Variants in AAGAB observed in about 807,000 individuals in gnomAD.
AAGAB encodes the protein alpha and gamma adaptin binding protein.
A neutral mutation model predicts 44.1 loss-of-function variants in AAGAB; 38 were observed. That is an observed-to-expected ratio of 0.86 (90% CI 0.67 to 1.13). AAGAB has a LOEUF of 1.13. Among genes scored for constraint, AAGAB ranks in the 50% most tolerant of loss-of-function variants. AAGAB has a pLI of 0.00. For missense variants in AAGAB, 450 were observed against 373.8 expected, an observed-to-expected ratio of 1.20 and a Z score of -1.68; for synonymous variants, 131 against 131.8, an observed-to-expected ratio of 0.99 and a Z score of 0.04.
At chr15:67,210,830 G>C (rs903192202) in intron 5 of AAGAB, among the ~76,000 whole-genome samples, 1 of 152,176 alleles carries the variant, frequency 6.6e-6, no homozygotes, top group Non-Finnish European at 1.5e-5. Flanking sequence ...ACAGTAGTTC[G>C]AAAAACACTG....
At chr15:67,230,779 C>T (rs924164782) in intron 5 of AAGAB, among the ~76,000 whole-genome samples, 7 of 152,194 alleles carry the variant, frequency 4.6e-5, no homozygotes, top group Non-Finnish European at 1.5e-5. Context: ...GCCACTGCCA[C>T]TACATTACCC....
At position 67,204,231 on chromosome 15, in the gene AAGAB, TTGA is replaced by T. The variant is rs1963635744; in HGVS notation, c.716-86_716-84del. 1.7e-5 allele frequency: 16 copies of T among 928,382 alleles called. No individual in the cohort carries two copies. The East Asian group carries it at 4.1e-4, about 24-fold the overall frequency. The allele number at this position is 928,382 out of a possible 1,614,324, so 57.5% of individuals were successfully genotyped here. A position where few individuals can be genotyped will look rare whatever the true frequency, so the allele number is the denominator to read the frequency against. On this transcript the variant is annotated intron_variant, in intron 7 of 9. Coordinates refer to ENST00000261880, the MANE Select transcript of AAGAB (RefSeq NM_024666.5). ...GAGAATCCTAAGGCAAATGCTAACCTTGATGAAGTCACCAATGATCGAAGGCCC... is the reference window on the plus strand; with the variant it reads ...GAGAATCCTAAGGCAAATGCTAACCTTGAAGTCACCAATGATCGAAGGCCC...
chr15:67,214,794 C>G (rs1388954121), intron 5 of AAGAB, among the ~76,000 whole-genome samples: 3 of 152,192 alleles, frequency 2.0e-5, no homozygotes, highest in African/African-American at 7.2e-5. Context: ...GCGTCCGCCA[C>G]CGCGCCTGGC....
At position 67,209,500 on chromosome 15, in the gene AAGAB, T is replaced by C; in HGVS notation, c.580A>G (p.Asn194Asp). 2 of 1,614,238 alleles carry C rather than the reference T, an allele frequency of 1.2e-6. No homozygotes were observed. The highest frequency in any genetic ancestry group is 1.7e-6 in the Non-Finnish European group (2 of 1,180,040). The change falls in exon 6 of 10, where the codon AAC becomes GAC. Residue 194 changes from asparagine (N) to aspartate (D), a missense_variant. Asn to Asp is a conservative substitution (Grantham distance 23). Coordinates refer to ENST00000261880, the MANE Select transcript of AAGAB (RefSeq NM_024666.5). ...GGATCTGCTGACCCAATGCTATGGT[T>C]TGTTCCAGTCAATGAGTTGAGAAGG... ...FSLLNSLTGT[N>D]HSIGSADPCH...
chr15:67,202,933 C>G, intron 9 of AAGAB, 35 bp from the exon 10 acceptor site: 1 of 1,596,720 alleles, frequency 6.3e-7, no homozygotes, highest in Non-Finnish European at 8.6e-7. Context: ...TTTTAGGCAA[C>G]AGCTACATTT....
At chr15:67,208,762 G>T in intron 6 of AAGAB, 104 bp from the exon 7 acceptor site, 1 of 937,700 alleles carries the variant, frequency 1.1e-6, no homozygotes, top group Non-Finnish European at 1.6e-6. Flanking sequence ...TGAGAAAAGA[G>T]TAATAGGAAC....
chr15:67,228,174 T>C (rs1427360426), intron 5 of AAGAB, among the ~76,000 whole-genome samples: 1 of 152,250 alleles, frequency 6.6e-6, no homozygotes, highest in Non-Finnish European at 1.5e-5. Context: ...AATAGTTCTT[T>C]AATATATGAA....
chr15:67,209,339 A>G (rs1963755909), intron 6 of AAGAB, 123 bp downstream of exon 6: 2 of 886,208 alleles, frequency 2.3e-6, no homozygotes, highest in Non-Finnish European at 3.6e-6. Context: ...CCTTTCATCT[A>G]TTTTTAACAT....
At chr15:67,225,450 T>A (rs567988243) in intron 5 of AAGAB, among the ~76,000 whole-genome samples, 1 of 152,358 alleles carries the variant, frequency 6.6e-6, no homozygotes, top group African/African-American at 2.4e-5. Flanking sequence ...TAAAAATGTA[T>A]GATTCAGTGG....
chr15:67,251,220 G>C (rs1964862184), intron 1 of AAGAB, among the ~76,000 whole-genome samples: 1 of 145,428 alleles, frequency 6.9e-6, no homozygotes, highest in South Asian at 2.3e-4. Flanking sequence ...AAGTGCGTGT[G>C]TGTGTGTGTG....
chr15:67,246,760 C>A (rs950707098), intron 1 of AAGAB, among the ~76,000 whole-genome samples: 1 of 151,364 alleles, frequency 6.6e-6, no homozygotes, highest in Non-Finnish European at 1.5e-5. Context: ...ATTGTAAATG[C>A]ACCAATCAGC....
At chr15:67,215,271 T>C (rs1045573695) in intron 5 of AAGAB, among the ~76,000 whole-genome samples, 1 of 152,200 alleles carries the variant, frequency 6.6e-6, no homozygotes, top group Non-Finnish European at 1.5e-5. Flanking sequence ...GCCTCCAGCA[T>C]AGTGCTAAGT....
chr15:67,207,834 G>T (rs987134513), intron 7 of AAGAB, among the ~76,000 whole-genome samples: 1 of 134,892 alleles, frequency 7.4e-6, no homozygotes, highest in African/African-American at 2.6e-5. Context: ...AAACTGGAAA[G>T]AAAAAAAATT....
intron 5 of AAGAB, among the ~76,000 whole-genome samples, chr15:67,217,778 C>T (rs1963984136): frequency 6.6e-6 from 1 of 152,148 alleles, no homozygotes; most frequent in Admixed American, 6.5e-5. Flanking sequence ...CCTCGTGATC[C>T]ACCCGCCTTG....
chr15:67,242,751 G>T (rs117769640), intron 1 of AAGAB: 1 of 152,172 alleles, frequency 6.6e-6, no homozygotes, highest in African/African-American at 2.4e-5. Context: ...GTCTTCTGGT[G>T]CAAGTTTATG....
At chr15:67,236,845 A>C in intron 1 of AAGAB, 25 bp from the exon 2 acceptor site, 1 of 1,566,830 alleles carries the variant, frequency 6.4e-7, no homozygotes. Context: ...CAACATTACC[A>C]TGTAAAGTGC....
At chr15:67,234,013 C>T (rs994046959) in intron 4 of AAGAB, among the ~76,000 whole-genome samples, 13 of 150,426 alleles carry the variant, frequency 8.6e-5, no homozygotes, top group Admixed American at 7.3e-4. Context: ...GAGGCCGAGG[C>T]AGGTGGATCA....
At chr15:67,249,299 TG>T (rs1236368462) in intron 1 of AAGAB, among the ~76,000 whole-genome samples, 15 of 152,140 alleles carry the variant, frequency 9.9e-5, no homozygotes, top group Admixed American at 9.8e-4. Flanking sequence ...ACTCCCAAAG[TG>T]CTGGGATTAC....
chr15:67,236,113 A>C (rs1002184240), intron 3 of AAGAB, 45 bp from the exon 4 acceptor site: 11 of 1,402,362 alleles, frequency 7.8e-6, no homozygotes, highest in Non-Finnish European at 1.0e-5. Flanking sequence ...AAAGAAAATA[A>C]AACATGACTA....
Sources: allele counts gnomAD v4.1 joint callset (sites outside exome capture counted in the v4.1 genomes callset), GRCh38; gene constraint gnomAD v4.1.1; transcripts MANE v1.5; gene names NCBI Gene and HGNC (gene_info 2026-07-23, HGNC 2026-07-21).